DPYD: variants seen among roughly 807,000 people sequenced by gnomAD.
DPYD encodes dihydropyrimidine dehydrogenase [NADP(+)].
In DPYD, 109 loss-of-function variants were observed where a neutral mutation model predicts 116.2. That is an observed-to-expected ratio of 0.94 (90% CI 0.80 to 1.10). The LOEUF (loss-of-function observed/expected upper bound fraction) is 1.10, where lower values mean the gene tolerates loss of function less well. Among genes scored for constraint, DPYD ranks in the 50% least tolerant of loss-of-function variants. The pLI is 0.00. For synonymous variants in DPYD, 440 were observed against 432.0 expected, an observed-to-expected ratio of 1.02 and a Z score of -0.23; for missense variants, 1,302 against 1,254.5, an observed-to-expected ratio of 1.04 and a Z score of -0.57.
At chr1:97,578,538 T>C (rs1291407944) in intron 10 of DPYD, among the ~76,000 whole-genome samples, 2 of 152,074 alleles carry the variant, frequency 1.3e-5, no homozygotes, top group African/African-American at 2.4e-5. Context: ...AAGCCAAAAA[T>C]ACACTAAGGG....
intron 13 of DPYD, among the ~76,000 whole-genome samples, chr1:97,512,013 T>C (rs1278401390): frequency 3.9e-5 from 6 of 151,942 alleles, no homozygotes; most frequent in African/African-American, 1.2e-4. Flanking sequence ...TCTCCTTCGA[T>C]TGAGATCAAT....
At chr1:97,160,447 G>C (rs1055126418) in intron 20 of DPYD, among the ~76,000 whole-genome samples, 1 of 151,942 alleles carries the variant, frequency 6.6e-6, no homozygotes, top group East Asian at 1.9e-4. Flanking sequence ...TGAACAACTC[G>C]TTAATATACT....
chr1:97,312,078 G>A (rs1004146177), intron 16 of DPYD, among the ~76,000 whole-genome samples: 1 of 151,628 alleles, frequency 6.6e-6, no homozygotes, highest in African/African-American at 2.4e-5. Context: ...ATATATGTGT[G>A]TGTGTAGGTA....
intron 5 of DPYD, chr1:97,700,093 G>T (rs576194077): frequency 1.9e-5 from 7 of 369,624 alleles, no homozygotes; most frequent in African/African-American, 1.3e-4. Context: ...AACTACTGAC[G>T]CAGGCATCTT....
intron 3 of DPYD, among the ~76,000 whole-genome samples, chr1:97,789,507 TAAATTCTGGGAAATAGTTTATGAAA>T (rs1249311609): frequency 1.3e-5 from 2 of 152,344 alleles, no homozygotes; most frequent in Admixed American, 1.3e-4. Context: ...TCTAGTAGTT[TAAATTCTGGGAAATAGTTTATGAAA>T]ATGAATTTTA....
intron 20 of DPYD, among the ~76,000 whole-genome samples, chr1:97,154,759 G>A (rs1760210): frequency 6.6e-6 from 1 of 151,028 alleles, no homozygotes; most frequent in Admixed American, 6.6e-5. Flanking sequence ...AGGGGTGAGA[G>A]GGGGGTGAGG....
intron 16 of DPYD, among the ~76,000 whole-genome samples, chr1:97,323,739 T>C (rs949103996): frequency 1.3e-5 from 2 of 148,250 alleles, no homozygotes; most frequent in Non-Finnish European, 3.0e-5. Flanking sequence ...TACATATATA[T>C]ATAATATATT....
At chr1:97,206,665 T>A (rs1028840662) in intron 19 of DPYD, among the ~76,000 whole-genome samples, 2 of 118,870 alleles carry the variant, frequency 1.7e-5, no homozygotes, top group Non-Finnish European at 3.6e-5. Flanking sequence ...TATATATATA[T>A]ATATATATAT....
intron 2 of DPYD, among the ~76,000 whole-genome samples, chr1:97,829,855 C>A (rs1377594416): frequency 6.6e-6 from 1 of 151,774 alleles, no homozygotes; most frequent in African/African-American, 2.4e-5. Flanking sequence ...CCCGTCAGCT[C>A]GTCATTTACA....
At chr1:97,785,163 T>C (rs1666952258) in intron 3 of DPYD, among the ~76,000 whole-genome samples, 1 of 152,164 alleles carries the variant, frequency 6.6e-6, no homozygotes, top group Admixed American at 6.5e-5. Flanking sequence ...CATAGCAGCA[T>C]AGCAAAATAT....
chr1:97,582,385 T>A (rs746582534), intron 10 of DPYD, among the ~76,000 whole-genome samples: 1 of 152,254 alleles, frequency 6.6e-6, no homozygotes, highest in Non-Finnish European at 1.5e-5. Flanking sequence ...TTAATTCATA[T>A]GAATTTGATT....
intron 3 of DPYD, among the ~76,000 whole-genome samples, chr1:97,793,134 C>T (rs34486749): frequency 0.16 from 24,961 of 152,060 alleles, 2,414 homozygotes; most frequent in Non-Finnish European, 0.22. Flanking sequence ...ACTGTCTCTG[C>T]TATTTTTCTG....
At chr1:97,613,757 T>G (rs1270916554) in intron 8 of DPYD, among the ~76,000 whole-genome samples, 1 of 152,056 alleles carries the variant, frequency 6.6e-6, no homozygotes, top group East Asian at 1.9e-4. Context: ...ACAATGGGTA[T>G]GATTATGTAT....
rs548189452 is a variant in DPYD at position 97,802,543 on chromosome 1, T to C, written c.233+25571A>G. Among the ~76,000 whole-genome samples the C allele has an allele frequency of 3.3e-5, 5 of 151,914 alleles. No individual in the cohort carries two copies. In the South Asian group the frequency reaches 1.0e-3, roughly 32 times the overall value. On this transcript the variant is annotated intron_variant, in intron 3 of 22. Transcript: ENST00000370192. ...CAGCTTGTACTACTCAAAGCACAAT[T>C]TTCCTTTTGGGGCCTCAGATCTATC...
chr1:97,413,908 A>G (rs1674148107), intron 14 of DPYD, among the ~76,000 whole-genome samples: 1 of 152,048 alleles, frequency 6.6e-6, no homozygotes, highest in Non-Finnish European at 1.5e-5. Context: ...AGAGAGATTT[A>G]TGCATTTCTT....
At chr1:97,193,496 T>C (rs540370862) in intron 19 of DPYD, among the ~76,000 whole-genome samples, 3 of 152,274 alleles carry the variant, frequency 2.0e-5, no homozygotes, top group African/African-American at 7.2e-5. Flanking sequence ...GGTATATACA[T>C]GTTCCAAAAC....
At chr1:97,817,527 C>A (rs898338052) in intron 3 of DPYD, among the ~76,000 whole-genome samples, 1 of 151,846 alleles carries the variant, frequency 6.6e-6, no homozygotes, top group African/African-American at 2.4e-5. Flanking sequence ...ATAGGGCCAG[C>A]TATTTTATTA....
chr1:97,661,369 C>A (rs367867890), intron 8 of DPYD, among the ~76,000 whole-genome samples: 1 of 152,132 alleles, frequency 6.6e-6, no homozygotes, highest in South Asian at 2.1e-4. Flanking sequence ...TTCAATTATT[C>A]GGCATTATGG....
rs117931587 is a variant in DPYD at position 97,300,171 on chromosome 1, G to T, written c.2299+5088C>A. 1.3e-3 allele frequency among the ~76,000 whole-genome samples: 192 copies of T among 152,164 alleles called. 7 individuals carry two copies. The East Asian group carries it at 0.032, about 25-fold the overall frequency. On this transcript the variant is annotated intron_variant, in intron 18 of 22. Coordinates refer to ENST00000370192, the MANE Select transcript of DPYD (RefSeq NM_000110.4). ...TTTTACATAGGTGAATAACAGGCCA[G>T]ATTTTTTGCATTACTTTTGTCCATA... is the stretch of plus-strand genomic sequence containing the variant.
Sources: allele counts gnomAD v4.1 joint callset (sites outside exome capture counted in the v4.1 genomes callset), GRCh38; gene constraint gnomAD v4.1.1; transcripts MANE v1.5; gene names NCBI Gene and HGNC (gene_info 2026-07-23, HGNC 2026-07-21).